EEA1: variants seen among roughly 807,000 people sequenced by gnomAD.
The protein encoded by EEA1 is early endosome antigen 1, 162kD.
In EEA1, 111 loss-of-function variants were observed where a neutral mutation model predicts 209.2. The ratio of observed to expected loss-of-function variants is 0.53; its 90% CI spans 0.45 to 0.62. The LOEUF (loss-of-function observed/expected upper bound fraction) is 0.62. EEA1 is among the 20% of genes least tolerant of loss of function. The pLI, the probability that EEA1 is intolerant of heterozygous loss-of-function variation, is 0.00. For synonymous variants in EEA1, 536 were observed against 540.6 expected, an observed-to-expected ratio of 0.99 and a Z score of 0.12; for missense variants, 1,343 against 1,530.8, an observed-to-expected ratio of 0.88 and a Z score of 2.05.
chr12:92,822,976 T>C (rs1400329141), intron 13 of EEA1, among the ~76,000 whole-genome samples: 1 of 152,134 alleles, frequency 6.6e-6, no homozygotes, highest in Non-Finnish European at 1.5e-5. Context: ...ATTCCCCTTC[T>C]CCCTCATCCC....
intron 1 of EEA1, among the ~76,000 whole-genome samples, chr12:92,926,316 G>C (rs1268479945): frequency 1.3e-5 from 2 of 152,062 alleles, no homozygotes; most frequent in Admixed American, 1.3e-4. Flanking sequence ...TAATTTCAAA[G>C]CACAGAGTCC....
intron 1 of EEA1, among the ~76,000 whole-genome samples, chr12:92,916,986 G>C (rs936585299): frequency 2.6e-5 from 4 of 151,760 alleles, no homozygotes; most frequent in Non-Finnish European, 5.9e-5. Context: ...CTGGAAGAAA[G>C]GGTGTCAGCA....
chr12:92,858,354 T>C lies in EEA1; in HGVS notation c.246-869A>G, dbSNP rs887412357. The C allele has an allele frequency of 8.2e-6, 7 of 858,438 alleles. No individual in the cohort carries two copies. In the African/African-American group the frequency reaches 8.2e-5, roughly 10 times the overall value. 53.2% of individuals were successfully genotyped at this position (858,438 alleles called of 1,614,324 possible). A position where few individuals can be genotyped will look rare whatever the true frequency, so the allele number is the denominator to read the frequency against. ...TCGTGAAGCTATTAAACACATTGGA[T>C]ATGATGATTCTTCCAAAGGGTTTGA... On this transcript the variant is annotated intron_variant, in intron 3 of 28. Transcript: ENST00000322349.
chr12:92,861,726 G>A lies in EEA1; in HGVS notation c.245+3134C>T, dbSNP rs142926770. On this transcript the variant is annotated intron_variant, in intron 3 of 28. Coordinates refer to ENST00000322349, the MANE Select transcript of EEA1 (RefSeq NM_003566.4). ...AGAGAAACAAAAGATACAGAACAACGTAGAATTGCTATCTTTTATATAATT... is the reference window on the plus strand; with the variant it reads ...AGAGAAACAAAAGATACAGAACAACATAGAATTGCTATCTTTTATATAATT... Among the ~76,000 whole-genome samples the A allele has an allele frequency of 2.3e-3, 355 of 151,830 alleles. 3 individuals carry two copies. The highest frequency in any genetic ancestry group is 7.8e-3 in the African/African-American group (324 of 41,438).
At chr12:92,788,429 A>G (rs1302894449) in intron 21 of EEA1, among the ~76,000 whole-genome samples, 1 of 152,196 alleles carries the variant, frequency 6.6e-6, no homozygotes, top group African/African-American at 2.4e-5. Flanking sequence ...GAAAGTAAGA[A>G]GCCATTACTT....
At chr12:92,807,181 T>C (rs1875252103) in intron 18 of EEA1, among the ~76,000 whole-genome samples, 1 of 152,104 alleles carries the variant, frequency 6.6e-6, no homozygotes, top group Non-Finnish European at 1.5e-5. Flanking sequence ...CTCGAACTCC[T>C]GACTTCAGAT....
chr12:92,840,709 A>G (rs1258732148), intron 10 of EEA1, among the ~76,000 whole-genome samples: 1 of 152,270 alleles, frequency 6.6e-6, no homozygotes, highest in Non-Finnish European at 1.5e-5. Context: ...AAAACTTATT[A>G]CAAAGCTACA....
chr12:92,831,811 C>T (rs1022431758), intron 11 of EEA1, among the ~76,000 whole-genome samples: 2 of 151,546 alleles, frequency 1.3e-5, no homozygotes, highest in South Asian at 2.1e-4. Context: ...TTTGGCCGGG[C>T]GCGGTGGCTC....
chr12:92,828,254 T>A (rs1455962468), intron 11 of EEA1, among the ~76,000 whole-genome samples, 193 bp from the exon 12 acceptor site: 1 of 152,164 alleles, frequency 6.6e-6, no homozygotes, highest in East Asian at 1.9e-4. Flanking sequence ...TTATAATGAA[T>A]CACATAAAAT....
In EEA1 at chr12:92,914,916, G is replaced by C. The variant is rs548324124; in HGVS notation, c.24+14127C>G. ...TGACCTCAGGTGATCCACCTGCCTCGGCTTCCCAAAGTGCTGGGATTATAG... is the reference window on the plus strand; with the variant it reads ...TGACCTCAGGTGATCCACCTGCCTCCGCTTCCCAAAGTGCTGGGATTATAG... On this transcript the variant is annotated intron_variant, in intron 1 of 28. Coordinates refer to ENST00000322349, the MANE Select transcript of EEA1 (RefSeq NM_003566.4). Among the ~76,000 whole-genome samples, 20 of 152,138 alleles carry C rather than the reference G, an allele frequency of 1.3e-4. No individual in the cohort carries two copies. In the South Asian group the frequency reaches 1.5e-3, roughly 11 times the overall value.
chr12:92,857,118 A>C (rs1291484861), intron 5 of EEA1, among the ~76,000 whole-genome samples, 157 bp downstream of exon 5: 1 of 151,960 alleles, frequency 6.6e-6, no homozygotes. Flanking sequence ...CACTCCTCAT[A>C]CATTTGTTTG....
chr12:92,837,897 G>GAA (rs1412472669), intron 10 of EEA1, among the ~76,000 whole-genome samples: 1 of 152,132 alleles, frequency 6.6e-6, no homozygotes. Flanking sequence ...CAAAGCACTT[G>GAA]AAAATCACCA....
chr12:92,858,851 G>A (rs959380734), intron 3 of EEA1: 16 of 740,956 alleles, frequency 2.2e-5, no homozygotes, highest in East Asian at 5.8e-5. Context: ...GGTGTGCCTC[G>A]GGGTGATGCT....
chr12:92,775,794 C>T lies in EEA1; in HGVS notation c.*217G>A. ...CTTGGCATGAAAGCTATTCCAGGGG[C>T]TAAATGGGAAAAAAGTAATGAAAGA... On this transcript the variant is annotated 3_prime_UTR_variant, in exon 29 of 29. Coordinates refer to ENST00000322349, the MANE Select transcript of EEA1 (RefSeq NM_003566.4). 1 of 387,530 alleles carries T rather than the reference C, an allele frequency of 2.6e-6. No homozygotes were observed. The highest frequency in any genetic ancestry group is 3.9e-5 in the East Asian group (1 of 25,510). 24.0% of individuals were successfully genotyped at this position (387,530 alleles called of 1,614,324 possible). A position where few individuals can be genotyped will look rare whatever the true frequency, so the allele number is the denominator to read the frequency against.
chr12:92,883,508 T>G (rs1879249734), intron 2 of EEA1, among the ~76,000 whole-genome samples: 1 of 152,176 alleles, frequency 6.6e-6, no homozygotes, highest in African/African-American at 2.4e-5. Flanking sequence ...GAATGATGTT[T>G]CCTAGGTTTT....
Position 92,872,047 on chromosome 12 carries a change from A to ATTT in EEA1, c.118-7063_118-7061dup, listed in dbSNP as rs56671465. On this transcript the variant is annotated intron_variant, in intron 2 of 28. Transcript: ENST00000322349. The stretch of plus-strand genomic sequence containing the variant: ...AGGCGCGTACCACCAGGCCCAGCTA[A>ATTT]TTTTTTTTTTTTTTTTTTTGAGACG... 1.3e-4 allele frequency among the ~76,000 whole-genome samples: 17 copies of ATTT among 132,568 alleles called. 1 individual carries two copies. Among genetic ancestry groups the ATTT allele is most frequent in the South Asian group, 2.5e-4 (1 of 4,036 alleles). 87.0% of individuals were successfully genotyped at this position (132,568 alleles called of 152,430 possible).
chr12:92,906,239 A>T (rs1239127482), intron 1 of EEA1, among the ~76,000 whole-genome samples: 1 of 151,558 alleles, frequency 6.6e-6, no homozygotes, highest in Non-Finnish European at 1.5e-5. Flanking sequence ...CTATAGGCAC[A>T]TGCCACCACA....
intron 1 of EEA1, among the ~76,000 whole-genome samples, chr12:92,925,995 ATT>A (rs201202174): frequency 8.1e-4 from 117 of 144,644 alleles, no homozygotes; most frequent in African/African-American, 2.7e-3. Flanking sequence ...ATGCCACATA[ATT>A]TTTTTTTTTT....
At chr12:92,897,760 G>A (rs188344687) in intron 1 of EEA1, among the ~76,000 whole-genome samples, 55 of 152,232 alleles carry the variant, frequency 3.6e-4, no homozygotes, top group Non-Finnish European at 5.6e-4. Context: ...AAAATGCAGC[G>A]AGCTATGATC....
Sources: gnomAD v4.1 joint callset for allele counts (sites outside exome capture counted in the v4.1 genomes callset) on GRCh38, gnomAD v4.1.1 for gene constraint, MANE v1.5 for transcripts, NCBI Gene and HGNC (gene_info 2026-07-23, HGNC 2026-07-21) for gene names.